Variants in C8orf89 observed in about 807,000 individuals in gnomAD.
C8orf89 encodes chromosome 8 open reading frame 89, also known as putative uncharacterized protein C8orf89.
In C8orf89, 14 loss-of-function variants were observed where a neutral mutation model predicts 15.8. That is an observed-to-expected ratio of 0.89 (90% CI 0.59 to 1.39). The LOEUF (loss-of-function observed/expected upper bound fraction) is 1.39, where lower values mean the gene tolerates loss of function less well. Among genes scored for constraint, C8orf89 ranks in the 40% most tolerant of loss-of-function variants. The pLI is 0.00. For synonymous variants in C8orf89, 55 were observed against 62.2 expected (o/e 0.88, Z 0.54); for missense variants, 181 against 184.5 (o/e 0.98, Z 0.11).
At chr8:73,259,197 T>G (rs1288538585) in intron 1 of C8orf89, 135 bp downstream of exon 1, 6 of 535,776 alleles carry the variant, frequency 1.1e-5, no homozygotes, top group Admixed American at 8.0e-5. Context: ...CTTCCATTTT[T>G]CTTTTTCATC....
At chr8:73,247,973 T>C (rs969026592) in intron 3 of C8orf89, among the ~76,000 whole-genome samples, 1 of 152,228 alleles carries the variant, frequency 6.6e-6, no homozygotes, top group African/African-American at 2.4e-5. Flanking sequence ...TTTTTGCTTT[T>C]GCGGCATTGC....
intron 2 of C8orf89, among the ~76,000 whole-genome samples, chr8:73,255,414 A>G (rs1464691303): frequency 1.3e-5 from 2 of 151,574 alleles, no homozygotes; most frequent in Admixed American, 6.6e-5. Context: ...CAAAACCACA[A>G]TGAGATACCA....
chr8:73,253,419 G>T (rs538673399), intron 2 of C8orf89, among the ~76,000 whole-genome samples: 1 of 152,142 alleles, frequency 6.6e-6, no homozygotes, highest in African/African-American at 2.4e-5. Context: ...GGCGATGCGG[G>T]CTCTTTTTTG....
chr8:73,281,137 G>A, the C8orf89 span, among the ~76,000 whole-genome samples: 1 of 151,966 alleles, frequency 6.6e-6, no homozygotes, highest in African/African-American at 2.4e-5. Flanking sequence ...AATAATCACT[G>A]GCCAGGTGTG....
chr8:73,277,398 CT>C, the C8orf89 span: 2 of 1,178,958 alleles, frequency 1.7e-6, no homozygotes, highest in Non-Finnish European at 2.4e-6. Context: ...GTTTGATCAT[CT>C]TAGCAGCCTC....
At chr8:73,250,035 C>T (rs1281529906) in intron 3 of C8orf89, among the ~76,000 whole-genome samples, 1 of 152,010 alleles carries the variant, frequency 6.6e-6, no homozygotes, top group Non-Finnish European at 1.5e-5. Context: ...AGTTTGCAGG[C>T]ACTAAATGGC....
chr8:73,257,450 A>G (rs1813420993), intron 1 of C8orf89, among the ~76,000 whole-genome samples: 1 of 152,250 alleles, frequency 6.6e-6, no homozygotes, highest in African/African-American at 2.4e-5. Flanking sequence ...TCACACTGAA[A>G]TAAAAGGCAC....
At chr8:73,268,410 C>A in the C8orf89 span, among the ~76,000 whole-genome samples, 1 of 151,646 alleles carries the variant, frequency 6.6e-6, no homozygotes, top group South Asian at 2.1e-4. Flanking sequence ...ACCTGGGAGG[C>A]AGAGGTTGCA....
At chr8:73,282,116 T>C in the C8orf89 span, among the ~76,000 whole-genome samples, 1 of 152,272 alleles carries the variant, frequency 6.6e-6, no homozygotes, top group Non-Finnish European at 1.5e-5. Flanking sequence ...ATGTGACTTT[T>C]TATTCTCAAA....
upstream of C8orf89, among the ~76,000 whole-genome samples, chr8:73,263,757 G>A (rs1320483383): frequency 6.6e-6 from 1 of 152,118 alleles, no homozygotes; most frequent in East Asian, 1.9e-4. Context: ...CAGACAATAG[G>A]TAAGTAAATG....
At chr8:73,243,193 A>T (rs961381577) in intron 3 of C8orf89, among the ~76,000 whole-genome samples, 1 of 152,154 alleles carries the variant, frequency 6.6e-6, no homozygotes, top group Non-Finnish European at 1.5e-5. Flanking sequence ...GGAAGTGGGG[A>T]TGGTTTATAG....
At chr8:73,257,329 G>A (rs577867080) in intron 1 of C8orf89, among the ~76,000 whole-genome samples, 26 of 152,296 alleles carry the variant, frequency 1.7e-4, no homozygotes, top group African/African-American at 6.3e-4. Flanking sequence ...TTAAGGGGAT[G>A]ATTAAGAGTG....
the C8orf89 span, among the ~76,000 whole-genome samples, chr8:73,280,060 G>A: frequency 6.6e-6 from 1 of 152,154 alleles, no homozygotes; most frequent in Non-Finnish European, 1.5e-5. Context: ...ACAATAAATG[G>A]TTGTTTCATA....
chr8:73,258,396 C>T (rs1227328985), intron 1 of C8orf89, among the ~76,000 whole-genome samples: 2 of 117,296 alleles, frequency 1.7e-5, no homozygotes, highest in African/African-American at 7.1e-5. Context: ...GGTGACAAAG[C>T]TAGACTCCAT....
intron 3 of C8orf89, among the ~76,000 whole-genome samples, chr8:73,249,376 G>T (rs1813198022): frequency 6.6e-6 from 1 of 152,032 alleles, no homozygotes; most frequent in Non-Finnish European, 1.5e-5. Context: ...TTGACCTGTG[G>T]TTTTCTTTTT....
chr8:73,243,209 A>G (rs549279139), intron 3 of C8orf89, among the ~76,000 whole-genome samples: 136 of 152,290 alleles, frequency 8.9e-4, no homozygotes, highest in African/African-American at 3.0e-3. Flanking sequence ...TATAGGTACA[A>G]AAAATACAAA....
At chr8:73,276,498 A>G in the C8orf89 span, among the ~76,000 whole-genome samples, 2 of 152,110 alleles carry the variant, frequency 1.3e-5, no homozygotes, top group South Asian at 4.1e-4. Flanking sequence ...TACTTTTATT[A>G]AAGTCAGAGG....
chr8:73,259,551 G>T, upstream of C8orf89: 1 of 776,800 alleles, frequency 1.3e-6, no homozygotes, highest in Non-Finnish European at 1.9e-6. Context: ...CCGAGACAAG[G>T]CAAACAGATG....
At chr8:73,256,842 A>C (rs559826558) in intron 2 of C8orf89, 131 bp downstream of exon 2, 1 of 525,492 alleles carries the variant, frequency 1.9e-6, no homozygotes, top group South Asian at 6.1e-5. Context: ...TAAAAATTAA[A>C]TCCTTTATGT....
Sources: gnomAD v4.1 joint callset for allele counts (sites outside exome capture counted in the v4.1 genomes callset) on GRCh38, gnomAD v4.1.1 for gene constraint, MANE v1.5 for transcripts, NCBI Gene and HGNC (gene_info 2026-07-23, HGNC 2026-07-21) for gene names.